Variants in LIMS2 observed in about 807,000 individuals in gnomAD.
The protein encoded by LIMS2 is LIM and senescent cell antigen-like-containing domain protein 2.
LIMS2 carries 30 observed loss-of-function variants against 45.3 expected under a neutral mutation model. The ratio of observed to expected loss-of-function variants is 0.66; its 90% CI spans 0.50 to 0.90. LIMS2 has a LOEUF of 0.90. Ranked by LOEUF, LIMS2 falls within the 40% of genes least tolerant of loss-of-function variation. The pLI is 0.00. For synonymous variants in LIMS2, 173 were observed against 188.0 expected (o/e 0.92, Z 0.65); for missense variants, 485 against 468.7 (o/e 1.03, Z -0.32).
chr2:127,641,948 C>T (rs769239610), intron 6 of LIMS2, 101 bp downstream of exon 6: 23 of 1,361,768 alleles, frequency 1.7e-5, no homozygotes, highest in African/African-American at 3.0e-5. Context: ...GCCAGCCACC[C>T]GCCCTGGGCT....
rs1348506135 is a variant in LIMS2, at chr2:127,640,928, CCTT to C, written c.718_720del (p.Lys240del). On this transcript the variant is annotated inframe_deletion, in exon 7 of 10. Transcript: ENST00000355119. ...TAGTGAGTCTCGCAGTAGGCCAGGC[CCTT>C]CTTCTCATAGTGCCGGTGCCCCAGG... 1.9e-6 allele frequency: 3 copies of C among 1,613,816 alleles called. No homozygotes were observed. The highest frequency in any genetic ancestry group is 1.7e-5 in the Admixed American group (1 of 60,002).
In LIMS2 at chr2:127,639,430, T is replaced by C; in HGVS notation, c.879-2A>G. ...ATGTCGAACTCCACAAACTTGTTCC[T>C]GAGGAGGAAGCTGAGCTGTCAGCAG... On this transcript the variant is annotated splice_acceptor_variant, in intron 9 of 9. Coordinates refer to ENST00000355119, the MANE Select transcript of LIMS2 (RefSeq NM_001161403.3). LOFTEE classifies it high-confidence loss of function. 1 of 1,613,558 alleles carries C rather than the reference T, an allele frequency of 6.2e-7. No individual in the cohort carries two copies. Among genetic ancestry groups the C allele is most frequent in the South Asian group, 1.1e-5 (1 of 91,074 alleles).
At chr2:127,652,475 G>A in intron 4 of LIMS2, 1 of 167,148 alleles carries the variant, frequency 6.0e-6, no homozygotes. Flanking sequence ...GCTCAGGCCA[G>A]GGCTGGGCTG....
At chr2:127,654,363 T>G (rs1375645581) in intron 4 of LIMS2, 61 bp downstream of exon 4, 1 of 1,609,246 alleles carries the variant, frequency 6.2e-7, no homozygotes, top group Non-Finnish European at 8.5e-7. Flanking sequence ...ACAGGAGAGG[T>G]GGCAGGTGTG....
At chr2:127,680,684 G>A (rs1685594613) in intron 1 of LIMS2, among the ~76,000 whole-genome samples, 1 of 152,192 alleles carries the variant, frequency 6.6e-6, no homozygotes. Context: ...TGCCCTTCTT[G>A]AAAGTCTGAT....
At chr2:127,639,929 G>T (rs1009517039) in intron 9 of LIMS2, 141 bp downstream of exon 9, 38 of 834,010 alleles carry the variant, frequency 4.6e-5, no homozygotes, top group Non-Finnish European at 7.0e-5. Context: ...CATCTCCCTG[G>T]GTGGTATAAG....
chr2:127,640,571 G>A (rs759806788), intron 7 of LIMS2: 23 of 601,172 alleles, frequency 3.8e-5, no homozygotes, highest in Non-Finnish European at 6.8e-5. Context: ...CTGCAAGGAG[G>A]TGGGCCCAGG....
chr2:127,651,483 C>T, intron 4 of LIMS2: 1 of 1,612,774 alleles, frequency 6.2e-7, no homozygotes. Context: ...CTGCTTCGTG[C>T]CCTACCACGT....
chr2:127,658,980 G>A (rs946851631), intron 1 of LIMS2, among the ~76,000 whole-genome samples: 1 of 152,234 alleles, frequency 6.6e-6, no homozygotes, highest in African/African-American at 2.4e-5. Flanking sequence ...CTGTTCTGCG[G>A]CCTGCAATCT....
chr2:127,661,145 A>C (rs541011459), intron 1 of LIMS2, among the ~76,000 whole-genome samples: 10 of 152,378 alleles, frequency 6.6e-5, no homozygotes, highest in African/African-American at 2.4e-4. Flanking sequence ...GCAGTGTGAC[A>C]CAGAGAGGCC....
intron 1 of LIMS2, among the ~76,000 whole-genome samples, chr2:127,662,634 T>TG (rs1334880901): frequency 1.5e-3 from 10 of 6,896 alleles, no homozygotes; most frequent in Non-Finnish European, 2.9e-3. Flanking sequence ...TCTTGTGGGG[T>TG]GGGGGGTGGG....
rs908244815 is a variant in LIMS2, at chr2:127,647,335, G to T, written c.360-4263C>A. 6.6e-6 allele frequency among the ~76,000 whole-genome samples: 1 copy of T among 152,158 alleles called. No individual in the cohort carries two copies. Among genetic ancestry groups the T allele is most frequent in the Non-Finnish European group, 1.5e-5 (1 of 68,020 alleles). On this transcript the variant is annotated intron_variant, in intron 4 of 9. Transcript: ENST00000355119. The surrounding 1 kb of genome is among the most constrained non-coding windows in gnomAD (Gnocchi z 4.3). Reference sequence around the variant, plus strand: ...ACCCTGGCGGTCTTCCAGGGAGTGAGACCGTTTCCCCGGTCTCACTTCCAG... The same window carrying T: ...ACCCTGGCGGTCTTCCAGGGAGTGATACCGTTTCCCCGGTCTCACTTCCAG...
In LIMS2 at chr2:127,654,481, C is replaced by G; in HGVS notation, c.302G>C (p.Arg101Pro). 1 of 1,614,116 alleles carries G rather than the reference C, an allele frequency of 6.2e-7. No individual in the cohort carries two copies. The highest frequency in any genetic ancestry group is 8.5e-7 in the Non-Finnish European group (1 of 1,180,006). Residue 101 changes from arginine to proline, a missense_variant, in exon 4 of 10, where the codon CGC (arginine) becomes CCC (proline). Physicochemically the swap from Arg to Pro is moderately radical, Grantham distance 103. Transcript: ENST00000355119. ...CAGCTCCACATCACACAGCTCGCAG[C>G]GGAAGCAGCCCGGGTGCCAGTTGTT... ...MNNNWHPGCFRCELCDVELAD... is the reference protein window; with the variant it reads ...MNNNWHPGCFPCELCDVELAD...
chr2:127,669,662 G>C (rs1685190423), intron 1 of LIMS2, among the ~76,000 whole-genome samples: 1 of 151,982 alleles, frequency 6.6e-6, no homozygotes, highest in African/African-American at 2.4e-5. Flanking sequence ...AGGTTGCAGT[G>C]AGCTGAGATT....
intron 1 of LIMS2, chr2:127,674,707 C>T: frequency 4.1e-6 from 4 of 985,454 alleles, no homozygotes; most frequent in Non-Finnish European, 4.8e-6. Flanking sequence ...TGGTGTCTGA[C>T]CTTGGACAAG....
rs1685296902 is a variant in LIMS2, at chr2:127,672,162, T to C, written c.11+2852A>G. On this transcript the variant is annotated intron_variant, in intron 1 of 9. Transcript: ENST00000355119. The surrounding 1 kb of genome is among the most constrained non-coding windows in gnomAD (Gnocchi z 4.9). ...GCTCACGTGGCCGTGGGTGTCAACA[T>C]CCCAGGCTCCATTTCCAGGAATGCC... Among the ~76,000 whole-genome samples the C allele has an allele frequency of 6.6e-6, 1 of 152,178 alleles. No homozygotes were observed. The highest frequency in any genetic ancestry group is 2.4e-5 in the African/African-American group (1 of 41,440).
intron 1 of LIMS2, among the ~76,000 whole-genome samples, chr2:127,666,201 C>T (rs1390080682): frequency 6.6e-6 from 1 of 151,978 alleles, no homozygotes; most frequent in Non-Finnish European, 1.5e-5. Context: ...GCAAAAACAC[C>T]GAGAGTGATG....
intron 1 of LIMS2, among the ~76,000 whole-genome samples, chr2:127,668,668 C>G (rs556985294): frequency 5.8e-5 from 1 of 17,268 alleles, no homozygotes; most frequent in Non-Finnish European, 1.1e-4. Context: ...GACTCCGTCT[C>G]AAAAAAAAAA....
upstream of LIMS2, among the ~76,000 whole-genome samples, chr2:127,679,303 G>A (rs576323200): frequency 5.9e-5 from 9 of 152,266 alleles, no homozygotes; most frequent in African/African-American, 1.9e-4. This position sits in a 1 kb window ranked among gnomAD's most constrained non-coding sequence, Gnocchi z 5.3. Flanking sequence ...GAAAGGGGGG[G>A]CAGAGAAGAG....
Sources: allele counts gnomAD v4.1 joint callset (sites outside exome capture counted in the v4.1 genomes callset), GRCh38; gene constraint gnomAD v4.1.1; non-coding constraint Gnocchi (gnomAD v3.1); transcripts MANE v1.5; gene names NCBI Gene and HGNC (gene_info 2026-07-23, HGNC 2026-07-21).